Variants in SLC17A1 observed in about 807,000 individuals in gnomAD.
The protein encoded by SLC17A1 is solute carrier family 17 member 1, also known as sodium-dependent phosphate transport protein 1.
Under a neutral mutation model 53.5 loss-of-function variants are expected in SLC17A1, and 51 were observed. The observed-to-expected ratio is 0.95, with a 90% CI of 0.76 to 1.20. SLC17A1 has a LOEUF of 1.20. SLC17A1 is among the 50% of genes most tolerant of loss of function. SLC17A1 has a pLI of 0.00. For missense variants in SLC17A1, 538 were observed against 568.2 expected (o/e 0.95, Z 0.54); for synonymous variants, 179 against 198.8 (o/e 0.90, Z 0.84).
intron 11 of SLC17A1, among the ~76,000 whole-genome samples, chr6:25,800,320 G>A (rs1383137145): frequency 1.3e-5 from 2 of 151,908 alleles, no homozygotes; most frequent in Non-Finnish European, 2.9e-5. Flanking sequence ...TACCTCTCTG[G>A]AATCAGGCTA....
the SLC17A1 span, among the ~76,000 whole-genome samples, chr6:25,728,610 C>A: frequency 6.6e-6 from 1 of 152,198 alleles, no homozygotes; most frequent in Admixed American, 6.5e-5. Context: ...GTCAGGAGAT[C>A]GAGACCATCC....
chr6:25,728,127 A>G, the SLC17A1 span, among the ~76,000 whole-genome samples: 1 of 152,204 alleles, frequency 6.6e-6, no homozygotes, highest in Non-Finnish European at 1.5e-5. Context: ...AGACAGTATA[A>G]CTTGCATTAT....
At chr6:25,747,694 G>A in the SLC17A1 span, among the ~76,000 whole-genome samples, 26 of 152,222 alleles carry the variant, frequency 1.7e-4, no homozygotes, top group African/African-American at 6.0e-4. Context: ...AGACATGAGA[G>A]CATGCTTTCT....
intron 12 of SLC17A1, among the ~76,000 whole-genome samples, chr6:25,789,792 T>C (rs1763462095): frequency 6.6e-6 from 1 of 152,172 alleles, no homozygotes; most frequent in African/African-American, 2.4e-5. Flanking sequence ...GGCAACTAAA[T>C]GCAACATGAA....
Position 25,798,774 on chromosome 6 carries a change from A to T in SLC17A1, c.*2+9T>A. On this transcript the variant is annotated intron_variant, in intron 12 of 12. Transcript: ENST00000244527. ...TTCAAAAATTGTCCTTAATCTGATCACTTCTCACCTTCAGAGACGTGTGTG... is the reference window on the plus strand; with the variant it reads ...TTCAAAAATTGTCCTTAATCTGATCTCTTCTCACCTTCAGAGACGTGTGTG... 1 of 1,593,758 alleles carries T rather than the reference A, an allele frequency of 6.3e-7. No homozygotes were observed. The highest frequency in any genetic ancestry group is 8.6e-7 in the Non-Finnish European group (1 of 1,166,456).
chr6:25,801,758 C>T (rs1250386219), intron 10 of SLC17A1, among the ~76,000 whole-genome samples: 1 of 152,110 alleles, frequency 6.6e-6, no homozygotes, highest in East Asian at 1.9e-4. Context: ...CCTACTCTGC[C>T]TTTACATGTT....
chr6:25,811,671 C>T lies in SLC17A1; in HGVS notation c.997G>A (p.Val333Ile), dbSNP rs376055863. The T allele has an allele frequency of 8.2e-5, 133 of 1,613,924 alleles. No individual in the cohort carries two copies. The highest frequency in any genetic ancestry group is 2.9e-4 in the South Asian group (26 of 91,070). Reference protein sequence around the residue: ...DFFLTRNILSVIAVRKLFTAA... With the variant: ...DFFLTRNILSIIAVRKLFTAA... Reference sequence around the variant, plus strand: ...GTGAAGAGTTTCCGGACAGCAATTACGCTGAGAATATTCCTGGTCAGGAAG... The same window carrying T: ...GTGAAGAGTTTCCGGACAGCAATTATGCTGAGAATATTCCTGGTCAGGAAG... The change falls in exon 9 of 13, where the codon GTA (valine) becomes ATA (isoleucine). Residue 333 changes from valine to isoleucine, a missense_variant. Transcript: ENST00000244527.
chr6:25,791,523 T>A (rs1480242669), intron 12 of SLC17A1, among the ~76,000 whole-genome samples: 1 of 152,212 alleles, frequency 6.6e-6, no homozygotes, highest in Non-Finnish European at 1.5e-5. Flanking sequence ...ACGCAAATTA[T>A]TTTTTAAAAA....
At chr6:25,726,103 G>A in the SLC17A1 span, 2 of 1,497,766 alleles carry the variant, frequency 1.3e-6, no homozygotes, top group East Asian at 2.3e-5. Flanking sequence ...TTCTGACACA[G>A]AAGTCTTTTT....
the SLC17A1 span, chr6:25,727,201 C>G: frequency 6.2e-7 from 1 of 1,614,178 alleles, no homozygotes; most frequent in Non-Finnish European, 8.5e-7. Flanking sequence ...GAGATTCAGA[C>G]AGCAGTGCGC....
rs188604657 is a variant in SLC17A1 at position 25,799,372 on chromosome 6, T to C, written c.1270-453A>G. On this transcript the variant is annotated intron_variant, in intron 11 of 12. Coordinates refer to ENST00000244527, the MANE Select transcript of SLC17A1 (RefSeq NM_005074.5). ...TTTATTACTCCCATATTATTTCATA[T>C]TTTCCATTGCAATCCTTTTTTTTTT... Among the ~76,000 whole-genome samples the C allele has an allele frequency of 1.2e-4, 19 of 152,326 alleles. No homozygotes were observed. In the East Asian group the frequency reaches 3.7e-3, roughly 29 times the overall value.
the SLC17A1 span, among the ~76,000 whole-genome samples, chr6:25,736,360 A>T: frequency 6.6e-6 from 1 of 152,100 alleles, no homozygotes; most frequent in Non-Finnish European, 1.5e-5. Flanking sequence ...TAGTCAATTA[A>T]ATGTGTTTGG....
At chr6:25,757,796 T>C in the SLC17A1 span, among the ~76,000 whole-genome samples, 41,165 of 152,070 alleles carry the variant, frequency 0.27, 6,750 homozygotes, top group East Asian at 0.68. Flanking sequence ...GAATCCTTTA[T>C]TGTACCCCAC....
chr6:25,749,745 A>C, the SLC17A1 span, among the ~76,000 whole-genome samples: 2 of 152,002 alleles, frequency 1.3e-5, no homozygotes, highest in Non-Finnish European at 2.9e-5. Flanking sequence ...TGCCTTCTTC[A>C]TACTTCTTGG....
the SLC17A1 span, among the ~76,000 whole-genome samples, chr6:25,753,126 T>A: frequency 5.9e-5 from 9 of 152,224 alleles, no homozygotes; most frequent in South Asian, 1.9e-3. Context: ...AGAGGCTTCT[T>A]GGAAAATCTA....
the SLC17A1 span, among the ~76,000 whole-genome samples, chr6:25,748,016 G>A: frequency 6.6e-6 from 1 of 152,186 alleles, no homozygotes; most frequent in Non-Finnish European, 1.5e-5. Context: ...AAGGGCATAT[G>A]TGTATATTTG....
chr6:25,805,189 T>A (rs1763912943), intron 10 of SLC17A1, among the ~76,000 whole-genome samples: 1 of 151,994 alleles, frequency 6.6e-6, no homozygotes, highest in Admixed American at 6.6e-5. Context: ...TATTTAAAAA[T>A]TATATCAAGT....
At chr6:25,726,240 C>G in the SLC17A1 span, 1 of 1,613,872 alleles carries the variant, frequency 6.2e-7, no homozygotes, top group South Asian at 1.1e-5. Context: ...CGCCCAAAAG[C>G]TTATTGAGTT....
At chr6:25,754,359 A>G in the SLC17A1 span, among the ~76,000 whole-genome samples, 1 of 152,214 alleles carries the variant, frequency 6.6e-6, no homozygotes, top group East Asian at 1.9e-4. Flanking sequence ...TGGAAAGCTC[A>G]GTTCTATTAA....
Sources: gnomAD v4.1 joint callset for allele counts (sites outside exome capture counted in the v4.1 genomes callset) on GRCh38, gnomAD v4.1.1 for gene constraint, MANE v1.5 for transcripts, NCBI Gene and HGNC (gene_info 2026-07-23, HGNC 2026-07-21) for gene names.